The following PAQR5 variants were observed in gnomAD, a reference collection of about 807,000 sequenced individuals.
PAQR5 encodes progestin and adipoQ receptor family member 5.
Under a neutral mutation model 34.5 loss-of-function variants are expected in PAQR5, and 20 were observed. The ratio of observed to expected loss-of-function variants is 0.58; its 90% confidence interval spans 0.41 to 0.84. The LOEUF (loss-of-function observed/expected upper bound fraction) is 0.84, where lower values mean the gene tolerates loss of function less well. Among genes scored for constraint, PAQR5 ranks in the 40% least tolerant of loss-of-function variants. PAQR5 has a pLI of 0.00. For missense variants in PAQR5, 378 were observed against 412.7 expected, an observed-to-expected ratio of 0.92 and a Z score of 0.73; for synonymous variants, 131 against 155.6, an observed-to-expected ratio of 0.84 and a Z score of 1.18.
intron 2 of PAQR5, among the ~76,000 whole-genome samples, chr15:69,338,369 G>A (rs1241801237): frequency 6.6e-6 from 1 of 152,144 alleles, no homozygotes; most frequent in Non-Finnish European, 1.5e-5. Context: ...TCAAATCTTT[G>A]CTTTTAAAAT....
At chr15:69,311,752 T>A (rs1024030073) in intron 1 of PAQR5, among the ~76,000 whole-genome samples, 1 of 152,190 alleles carries the variant, frequency 6.6e-6, no homozygotes, top group Non-Finnish European at 1.5e-5. Context: ...GACCAAAGCC[T>A]GGTGATTCCC....
intron 3 of PAQR5, among the ~76,000 whole-genome samples, chr15:69,371,768 C>T (rs1047708413): frequency 5.9e-5 from 9 of 152,196 alleles, no homozygotes; most frequent in Admixed American, 3.3e-4. Context: ...ATAATAAATA[C>T]GTATTTTTAA....
At position 69,360,087 on chromosome 15, in the gene PAQR5, A is replaced by G; in HGVS notation, c.7A>G (p.Ser3Gly). The G allele has an allele frequency of 6.2e-7, 1 of 1,613,818 alleles. No homozygotes were observed. Among genetic ancestry groups the G allele is most frequent in the Non-Finnish European group, 8.5e-7 (1 of 1,179,716 alleles). ML[S>G]LKLPRLFSID... is the part of the protein sequence containing the mutation. ...TTGCCAATCCAGCTCCAAGATGCTG[A>G]GCCTGAAGCTCCCCAGGCTGTTTAG... The change falls in exon 3 of 9, where the codon AGC becomes GGC. Residue 3 changes from serine (S) to glycine (G), a missense_variant. Physicochemically the swap from Ser to Gly is moderately conservative, Grantham distance 56 (BLOSUM62 0). Transcript: ENST00000395407.
rs377145746 is a variant in PAQR5 at position 69,301,731 on chromosome 15, GT to G, written c.-277+2676del. Among the ~76,000 whole-genome samples, 378 of 152,194 alleles carry G rather than the reference GT, an allele frequency of 2.5e-3. 3 individuals are homozygous for G. Among genetic ancestry groups the G allele is most frequent in the African/African-American group, 8.9e-3 (368 of 41,490 alleles). On this transcript the variant is annotated intron_variant, in intron 1 of 8. Coordinates refer to ENST00000395407, the MANE Select transcript of PAQR5 (RefSeq NM_017705.4). ...ATTAGCCTGGCCTCCCTGGTTGGCG[GT>G]AAGTCCTTTCTCAGCATCTTGGCAT... is the stretch of plus-strand genomic sequence containing the variant.
At chr15:69,349,534 G>A (rs1273507014) in intron 2 of PAQR5, among the ~76,000 whole-genome samples, 1 of 152,202 alleles carries the variant, frequency 6.6e-6, no homozygotes, top group Non-Finnish European at 1.5e-5. Context: ...CCAGTGTGGG[G>A]AGTTAAGAAA....
chr15:69,325,237 T>A (rs778174311), intron 1 of PAQR5, among the ~76,000 whole-genome samples: 1 of 152,130 alleles, frequency 6.6e-6, no homozygotes, highest in African/African-American at 2.4e-5. Flanking sequence ...CCTGACTCCC[T>A]AGCATAATGC....
chr15:69,402,331 T>G (rs2056657096), intron 8 of PAQR5, among the ~76,000 whole-genome samples: 1 of 152,006 alleles, frequency 6.6e-6, no homozygotes, highest in South Asian at 2.1e-4. Context: ...CTTTTTTTTT[T>G]TTTTGAGACG....
intron 4 of PAQR5, among the ~76,000 whole-genome samples, chr15:69,381,832 A>G (rs909714810): frequency 1.3e-5 from 2 of 152,252 alleles, no homozygotes; most frequent in South Asian, 4.1e-4. Flanking sequence ...CCACAAGTGT[A>G]GCTGGAAGGA....
At chr15:69,403,207 C>T (rs2056689622) in intron 8 of PAQR5, among the ~76,000 whole-genome samples, 1 of 152,128 alleles carries the variant, frequency 6.6e-6, no homozygotes, top group African/African-American at 2.4e-5. Flanking sequence ...CTCTGATGGG[C>T]CTTTTATTTT....
intron 1 of PAQR5, among the ~76,000 whole-genome samples, chr15:69,334,298 G>C (rs1484176841): frequency 1.3e-5 from 2 of 152,154 alleles, no homozygotes; most frequent in African/African-American, 4.8e-5. Flanking sequence ...AAAGTGCTGG[G>C]ATAACAGGCA....
chr15:69,351,427 A>G (rs1436267961), intron 2 of PAQR5, among the ~76,000 whole-genome samples: 1 of 152,250 alleles, frequency 6.6e-6, no homozygotes, highest in Non-Finnish European at 1.5e-5. Context: ...TTGCTTGAGC[A>G]AAATAACACA....
At chr15:69,352,780 T>TG (rs1567015502) in intron 2 of PAQR5, among the ~76,000 whole-genome samples, 2 of 152,358 alleles carry the variant, frequency 1.3e-5, no homozygotes, top group Admixed American at 6.5e-5. Flanking sequence ...TACTGATTCA[T>TG]GGGCTGTAGC....
At chr15:69,318,066 A>G (rs1368235640) in intron 1 of PAQR5, among the ~76,000 whole-genome samples, 1 of 152,130 alleles carries the variant, frequency 6.6e-6, no homozygotes, top group Non-Finnish European at 1.5e-5. Context: ...GTGCTATCCC[A>G]TACATCGGGC....
At chr15:69,378,268 A>AAAC (rs2140910196) in intron 3 of PAQR5, among the ~76,000 whole-genome samples, 1 of 135,490 alleles carries the variant, frequency 7.4e-6, no homozygotes, top group East Asian at 2.0e-4. Flanking sequence ...CCATCTTAAA[A>AAAC]AAAAAAAAAA....
chr15:69,347,814 G>A (rs552627059), intron 2 of PAQR5, among the ~76,000 whole-genome samples: 3 of 152,138 alleles, frequency 2.0e-5, no homozygotes, highest in African/African-American at 4.8e-5. Context: ...TTTTATCAGG[G>A]CGTTAAGTCC....
intron 1 of PAQR5, among the ~76,000 whole-genome samples, chr15:69,300,616 T>C (rs1241162795): frequency 3.7e-5 from 2 of 53,946 alleles, no homozygotes; most frequent in African/African-American, 1.2e-4. Flanking sequence ...TTTCTTTCTT[T>C]CTTTCTTTCT....
intron 1 of PAQR5, among the ~76,000 whole-genome samples, chr15:69,332,207 T>C (rs901616424): frequency 2.3e-3 from 344 of 152,312 alleles, no homozygotes; most frequent in African/African-American, 7.4e-3. Flanking sequence ...AAGAATTTGT[T>C]TTTCTTTGTT....
chr15:69,402,750 A>G (rs1045122001), intron 8 of PAQR5, among the ~76,000 whole-genome samples: 7 of 152,232 alleles, frequency 4.6e-5, no homozygotes, highest in Admixed American at 1.3e-4. Context: ...ACTTCAGCAC[A>G]TGTATTTTTC....
chr15:69,320,807 A>G (rs541508857), intron 1 of PAQR5, among the ~76,000 whole-genome samples: 3 of 152,382 alleles, frequency 2.0e-5, no homozygotes, highest in African/African-American at 7.2e-5. Flanking sequence ...CTTTTAAAGC[A>G]GAAATTTAAA....
Sources: allele counts gnomAD v4.1 joint callset (sites outside exome capture counted in the v4.1 genomes callset), GRCh38; gene constraint gnomAD v4.1.1; transcripts MANE v1.5; gene names NCBI Gene and HGNC (gene_info 2026-07-23, HGNC 2026-07-21).